The following MCF2L2 variants were observed in gnomAD, a reference collection of about 807,000 sequenced individuals.
MCF2L2 encodes probable guanine nucleotide exchange factor MCF2L2.
Under a neutral mutation model 150.2 loss-of-function variants are expected in MCF2L2, and 102 were observed. The observed-to-expected ratio is 0.68, with a 90% CI of 0.58 to 0.80. MCF2L2 has a LOEUF of 0.80. MCF2L2 is among the 30% of genes least tolerant of loss of function. The pLI is 0.00. For synonymous variants in MCF2L2, 465 were observed against 491.3 expected, an observed-to-expected ratio of 0.95 and a Z score of 0.71; for missense variants, 1,256 against 1,372.8, an observed-to-expected ratio of 0.91 and a Z score of 1.34.
At chr3:183,413,530 G>A (rs115745020) in intron 1 of MCF2L2, among the ~76,000 whole-genome samples, 15 of 152,248 alleles carry the variant, frequency 9.9e-5, no homozygotes, top group African/African-American at 3.6e-4. Context: ...TGTTTGTCCA[G>A]GCAGTTACAC....
chr3:183,242,614 G>A (rs1560362658), intron 15 of MCF2L2, among the ~76,000 whole-genome samples: 1 of 152,238 alleles, frequency 6.6e-6, no homozygotes, highest in Non-Finnish European at 1.5e-5. Context: ...ATGCCTGGAT[G>A]TCCAGGCAGA....
At chr3:183,304,691 C>T (rs1330820079) in intron 10 of MCF2L2, among the ~76,000 whole-genome samples, 1 of 150,892 alleles carries the variant, frequency 6.6e-6, no homozygotes, top group East Asian at 2.0e-4. Context: ...CCAGGCTGGT[C>T]TCGAACTCCT....
At chr3:183,382,553 T>A (rs891658790) in intron 2 of MCF2L2, among the ~76,000 whole-genome samples, 4 of 152,158 alleles carry the variant, frequency 2.6e-5, no homozygotes, top group Admixed American at 2.6e-4. Context: ...TGGACTTAAC[T>A]GTGGGGCAAC....
At chr3:183,369,777 T>C (rs1289599359) in intron 3 of MCF2L2, among the ~76,000 whole-genome samples, 1 of 152,146 alleles carries the variant, frequency 6.6e-6, no homozygotes, top group Non-Finnish European at 1.5e-5. Context: ...TTGACAATAG[T>C]AAATAAATAG....
At chr3:183,242,702 C>T (rs958491273) in intron 15 of MCF2L2, among the ~76,000 whole-genome samples, 6 of 152,174 alleles carry the variant, frequency 3.9e-5, no homozygotes, top group Non-Finnish European at 8.8e-5. Context: ...GCTGGAGTCC[C>T]CACACAGAGT....
chr3:183,242,506 C>T (rs1724074247), intron 15 of MCF2L2, among the ~76,000 whole-genome samples: 1 of 152,304 alleles, frequency 6.6e-6, no homozygotes, highest in African/African-American at 2.4e-5. Context: ...CAGCTCAGGC[C>T]ATTGGTTCAG....
At chr3:183,347,704 A>G (rs1730955350) in intron 3 of MCF2L2, among the ~76,000 whole-genome samples, 1 of 152,182 alleles carries the variant, frequency 6.6e-6, no homozygotes, top group Admixed American at 6.6e-5. Context: ...AAACAAATTT[A>G]CCAGAAAAAA....
At chr3:183,273,116 G>A in intron 15 of MCF2L2, 3 of 1,007,552 alleles carry the variant, frequency 3.0e-6, no homozygotes, top group South Asian at 1.7e-5. Context: ...AAACTTTTTG[G>A]TGCTCCAGTG....
intron 2 of MCF2L2, among the ~76,000 whole-genome samples, chr3:183,384,539 C>T (rs1673726720): frequency 6.6e-6 from 1 of 152,058 alleles, no homozygotes; most frequent in African/African-American, 2.4e-5. Context: ...TCTGTGGCCC[C>T]CCGCCCAGGA....
chr3:183,282,959 C>G (rs1376959566), intron 14 of MCF2L2, among the ~76,000 whole-genome samples: 1 of 152,212 alleles, frequency 6.6e-6, no homozygotes, highest in Admixed American at 6.5e-5. Context: ...AGACCCCCCA[C>G]AACCTGGACT....
intron 10 of MCF2L2, among the ~76,000 whole-genome samples, chr3:183,302,560 A>T (rs190156882): frequency 2.4e-4 from 37 of 152,212 alleles, no homozygotes; most frequent in African/African-American, 7.7e-4. Context: ...GAGGATCTCG[A>T]TCATGTTTTT....
chr3:183,378,258 T>TA (rs1713308982), intron 3 of MCF2L2: 1 of 152,228 alleles, frequency 6.6e-6, no homozygotes, highest in African/African-American at 2.4e-5. Flanking sequence ...TGGGGGCTCA[T>TA]AAGCAATGCA....
intron 13 of MCF2L2, among the ~76,000 whole-genome samples, chr3:183,292,381 C>A (rs1196679468): frequency 6.6e-6 from 1 of 151,984 alleles, no homozygotes; most frequent in Non-Finnish European, 1.5e-5. Flanking sequence ...ATAGCAAGAC[C>A]CCGTTCTCCA....
At chr3:183,425,877 C>A (rs1218038115) in intron 1 of MCF2L2, among the ~76,000 whole-genome samples, 1 of 152,078 alleles carries the variant, frequency 6.6e-6, no homozygotes, top group African/African-American at 2.4e-5. Context: ...ATCGCTTGAA[C>A]CCGGGAGGCG....
chr3:183,311,150 T>C (rs1218912133), intron 8 of MCF2L2, 121 bp from the exon 9 acceptor site: 3 of 621,472 alleles, frequency 4.8e-6, no homozygotes, highest in Admixed American at 2.8e-5. Context: ...ACCATCTCAT[T>C]ATTATGAAAG....
At chr3:183,331,986 G>A (rs1560025504) in intron 5 of MCF2L2, among the ~76,000 whole-genome samples, 2 of 152,144 alleles carry the variant, frequency 1.3e-5, no homozygotes, top group Non-Finnish European at 2.9e-5. Flanking sequence ...TCCTATACCA[G>A]TCACACAAAA....
chr3:183,265,192 T>C (rs1266713642), intron 15 of MCF2L2: 1 of 152,210 alleles, frequency 6.6e-6, no homozygotes, highest in East Asian at 1.9e-4. Context: ...CAGAGTGAGG[T>C]GAGGGTTGCC....
intron 25 of MCF2L2, among the ~76,000 whole-genome samples, chr3:183,203,491 G>T (rs532037376): frequency 1.3e-5 from 2 of 152,256 alleles, no homozygotes; most frequent in Non-Finnish European, 2.9e-5. Flanking sequence ...GCAGGCAGAA[G>T]AAAGAATTAG....
At chr3:183,264,821 C>G (rs552047678) in intron 15 of MCF2L2, among the ~76,000 whole-genome samples, 1 of 152,250 alleles carries the variant, frequency 6.6e-6, no homozygotes, top group South Asian at 2.1e-4. Flanking sequence ...TTAAAGAGCT[C>G]TCTTGTGAAA....
Sources: allele counts gnomAD v4.1 joint callset (sites outside exome capture counted in the v4.1 genomes callset), GRCh38; gene constraint gnomAD v4.1.1; transcripts MANE v1.5; gene names NCBI Gene and HGNC (gene_info 2026-07-23, HGNC 2026-07-21).